The following OTOS variants were observed in gnomAD, a reference collection of about 807,000 sequenced individuals.
OTOS encodes the protein otospiralin.
Under a neutral mutation model 12.5 loss-of-function variants are expected in OTOS, and 14 were observed. The observed-to-expected ratio is 1.12, with a 90% CI of 0.74 to 1.76. The LOEUF (loss-of-function observed/expected upper bound fraction) is 1.76. Among genes scored for constraint, OTOS ranks in the 40% most tolerant of loss-of-function variants. The probability of loss-of-function intolerance (pLI) is 0.00; values close to 1 mark genes in which losing one functional copy is unlikely to be tolerated. For missense variants in OTOS, 141 were observed against 112.8 expected (o/e 1.25, Z -1.13); for synonymous variants, 49 against 47.6 (o/e 1.03, Z -0.12).
At position 240,140,055 on chromosome 2, in the gene OTOS, A is replaced by G. The variant is rs1282437289; in HGVS notation, c.85+7T>C. On this transcript the variant is annotated splice_region_variant and intron_variant, in intron 3 of 3. Transcript: ENST00000319460. The stretch of plus-strand genomic sequence containing the variant: ...CAAATGAAAGGAAAGAAATTGGAGA[A>G]CGGTACCTCCTTCCTCCTGCACAGG... 6.2e-7 allele frequency: 1 copy of G among 1,613,056 alleles called. No individual in the cohort carries two copies. The highest frequency in any genetic ancestry group is 1.1e-5 in the South Asian group (1 of 90,910).
In OTOS at chr2:240,140,249, C is replaced by T. The variant is rs373592967; in HGVS notation, c.58+20G>A. 2 of 1,585,278 alleles carry T rather than the reference C, an allele frequency of 1.3e-6. No individual in the cohort carries two copies. The highest frequency in any genetic ancestry group is 1.7e-6 in the Non-Finnish European group (2 of 1,165,318). ...TGTCGGGGGTCCTGGTGGCTGCCTC[C>T]CTCCAGAGCGGCCCCTCACCTGCAA... On this transcript the variant is annotated intron_variant, in intron 2 of 3. Transcript: ENST00000319460.
Position 240,139,345 on chromosome 2 carries a change from G to T in OTOS, c.95C>A (p.Ala32Glu), listed in dbSNP as rs750554667. The T allele has an allele frequency of 2.3e-5, 37 of 1,612,710 alleles. No homozygotes were observed. The highest frequency in any genetic ancestry group is 3.0e-5 in the Non-Finnish European group (35 of 1,179,236). ...KPVQEEGDPY[A>E]ELPAMPYWPF... Reference sequence around the variant, plus strand: ...CCAGTAGGGCATGGCCGGCAGCTCCGCGTAAGGGTCTGAAAGACACAAGAC... The same window carrying T: ...CCAGTAGGGCATGGCCGGCAGCTCCTCGTAAGGGTCTGAAAGACACAAGAC... Residue 32 changes from alanine (A) to glutamate (E), a missense_variant, in exon 4 of 4, where the codon GCG becomes GAG. Coordinates refer to ENST00000319460, the MANE Select transcript of OTOS (RefSeq NM_148961.4).
rs934328300 is a variant in OTOS, at chr2:240,140,521, C to T, written c.-118-77G>A. 2.1e-5 allele frequency: 13 copies of T among 611,498 alleles called. No homozygotes were observed. The African/African-American group carries it at 2.4e-4, about 11-fold the overall frequency. The allele number at this position is 611,498 out of a possible 1,614,324, so 37.9% of individuals were successfully genotyped here. ...AATTTCCATTTCAGTGGTTTCAAAC[C>T]ACTATTTGGAGGTGAAATCCCTGCC... is the stretch of plus-strand genomic sequence containing the variant. On this transcript the variant is annotated intron_variant, in intron 1 of 3. Coordinates refer to ENST00000319460, the MANE Select transcript of OTOS (RefSeq NM_148961.4).
Position 240,140,292 on chromosome 2 carries a change from C to A in OTOS, c.35G>T (p.Cys12Phe). 6.3e-7 allele frequency: 1 copy of A among 1,596,560 alleles called. No individual in the cohort carries two copies. The highest frequency in any genetic ancestry group is 1.1e-5 in the South Asian group (1 of 88,398). The change falls in exon 2 of 4, where the codon TGC becomes TTC. Residue 12 changes from cysteine to phenylalanine, a missense_variant. Physicochemically the swap from Cys to Phe is radical, Grantham distance 205. Transcript: ENST00000319460. ...ACCTGCAAGAGGCCCCAGTAGGAGG[C>A]AGAGGGCCAGCCCCGGCACCATGCA... ...QACMVPGLALCLLLGPLAGAK... is the reference protein window; with the variant it reads ...QACMVPGLALFLLLGPLAGAK...
Position 240,139,464 on chromosome 2 carries a change from G to C in OTOS, c.86-110C>G. 3 of 1,142,924 alleles carry C rather than the reference G, an allele frequency of 2.6e-6. No individual in the cohort carries two copies. In the South Asian group the frequency reaches 4.7e-5, roughly 18 times the overall value. The allele number at this position is 1,142,924 out of a possible 1,614,324, so 70.8% of individuals were successfully genotyped here. ...GATGGTTCCCAGCTCTACCTACAGT[G>C]ATACAACCTTCCCAGAGTGGGGGCC... On this transcript the variant is annotated intron_variant, in intron 3 of 3. Transcript: ENST00000319460.
chr2:240,140,075 C>G lies in OTOS; in HGVS notation c.72G>C (p.Val24=), dbSNP rs143566753. The G allele has an allele frequency of 1.2e-6, 2 of 1,613,474 alleles. No individual in the cohort carries two copies. The highest frequency in any genetic ancestry group is 1.3e-5 in the African/African-American group (1 of 74,894). Residue 24 remains valine, a synonymous_variant, in exon 3 of 4, where the codon GTG becomes GTC. Transcript: ENST00000319460. ...GGAGAACGGTACCTCCTTCCTCCTG[C>G]ACAGGCTTGGCCCCTGCAAAGGAAG... The part of the protein sequence containing the change: ...LLGPLAGAKP[V]QEEGDPYAEL...
In OTOS at chr2:240,139,332, G is replaced by A. The variant is rs751919876; in HGVS notation, c.108C>T (p.Ala36=). Reference sequence around the variant, plus strand: ...AGGTGGAGAAAGGCCAGTAGGGCATGGCCGGCAGCTCCGCGTAAGGGTCTG... The same window carrying A: ...AGGTGGAGAAAGGCCAGTAGGGCATAGCCGGCAGCTCCGCGTAAGGGTCTG... The part of the protein sequence containing the change: ...EEGDPYAELP[A]MPYWPFSTSD... The change falls in exon 4 of 4, where the codon GCC becomes GCT. Residue 36 remains alanine (A), a synonymous_variant. Coordinates refer to ENST00000319460, the MANE Select transcript of OTOS (RefSeq NM_148961.4). 1.2e-6 allele frequency: 2 copies of A among 1,613,834 alleles called. No individual in the cohort carries two copies. The highest frequency in any genetic ancestry group is 1.7e-6 in the Non-Finnish European group (2 of 1,179,828).
chr2:240,139,285 T>C lies in OTOS; in HGVS notation c.155A>G (p.Gln52Arg), dbSNP rs1479634429. Reference sequence around the variant, plus strand: ...GTAGGCCCCCAGGGCCTGGAAGTGCTGCACATAGTTCCAGAAGTCAGAGGT... The same window carrying C: ...GTAGGCCCCCAGGGCCTGGAAGTGCCGCACATAGTTCCAGAAGTCAGAGGT... ...FSTSDFWNYV[Q>R]HFQALGAYPQ... is the part of the protein sequence containing the mutation. Residue 52 changes from glutamine to arginine, a missense_variant, in exon 4 of 4, where the codon CAG becomes CGG. Physicochemically the swap from Gln to Arg is conservative, Grantham distance 43 (BLOSUM62 1). Coordinates refer to ENST00000319460, the MANE Select transcript of OTOS (RefSeq NM_148961.4). The C allele has an allele frequency of 6.2e-7, 1 of 1,614,046 alleles. No individual in the cohort carries two copies. The highest frequency in any genetic ancestry group is 8.5e-7 in the Non-Finnish European group (1 of 1,180,024).
At chr2:240,139,429 A>C in intron 3 of OTOS, 75 bp from the exon 4 acceptor site, 418 of 1,463,788 alleles carry the variant, frequency 2.9e-4, no homozygotes, top group Middle Eastern at 5.4e-4. Context: ...CAGAGGTCTC[A>C]AGGCAAGTGG....
At chr2:240,139,600 G>T (rs2072036388) in intron 3 of OTOS, among the ~76,000 whole-genome samples, 1 of 152,106 alleles carries the variant, frequency 6.6e-6, no homozygotes, top group African/African-American at 2.4e-5. Context: ...AAGGAGTTGT[G>T]TGGGGAGGGT....
chr2:240,140,542 C>G lies in OTOS; in HGVS notation c.-119+78G>C, dbSNP rs947178982. On this transcript the variant is annotated intron_variant, in intron 1 of 3. Transcript: ENST00000319460. ...AAACCACTATTTGGAGGTGAAATCC[C>G]TGCCTCAATTGGCCTTAATTCCCAT... is the stretch of plus-strand genomic sequence containing the variant. The G allele has an allele frequency of 7.0e-6, 4 of 571,618 alleles. No homozygotes were observed. In the East Asian group the frequency reaches 9.0e-5, roughly 13 times the overall value. 35.4% of individuals were successfully genotyped at this position (571,618 alleles called of 1,614,324 possible).
intron 1 of OTOS, 73 bp downstream of exon 1, chr2:240,140,547 T>A: frequency 1.8e-6 from 1 of 564,072 alleles, no homozygotes; most frequent in Non-Finnish European, 3.1e-6. Flanking sequence ...AATCCCTGCC[T>A]CAATTGGCCT....
Position 240,140,244 on chromosome 2 carries a change from G to A in OTOS, c.58+25C>T, listed in dbSNP as rs773807809. On this transcript the variant is annotated intron_variant, in intron 2 of 3. Coordinates refer to ENST00000319460, the MANE Select transcript of OTOS (RefSeq NM_148961.4). ...AGGGCTGTCGGGGGTCCTGGTGGCT[G>A]CCTCCCTCCAGAGCGGCCCCTCACC... 4.4e-6 allele frequency: 7 copies of A among 1,583,332 alleles called. No individual in the cohort carries two copies. The South Asian group carries it at 4.6e-5, about 10-fold the overall frequency.
chr2:240,139,399 C>T lies in OTOS; in HGVS notation c.86-45G>A, dbSNP rs530848664. ...TGCCTTGGGGGCTGTCCCCATGGTC[C>T]TGCCTGGAGACACCATCCTCAGAGG... is the stretch of plus-strand genomic sequence containing the variant. On this transcript the variant is annotated intron_variant, in intron 3 of 3. Coordinates refer to ENST00000319460, the MANE Select transcript of OTOS (RefSeq NM_148961.4). The T allele has an allele frequency of 3.6e-5, 56 of 1,557,698 alleles. No individual in the cohort carries two copies. In the South Asian group the frequency reaches 5.7e-4, roughly 16 times the overall value.
chr2:240,140,065 C>T lies in OTOS; in HGVS notation c.82G>A (p.Gly28Arg). 2 of 1,613,512 alleles carry T rather than the reference C, an allele frequency of 1.2e-6. No homozygotes were observed. Among genetic ancestry groups the T allele is most frequent in the Non-Finnish European group, 1.7e-6 (2 of 1,179,738 alleles). Residue 28 changes from glycine (G) to arginine (R), a missense_variant, in exon 3 of 4, where the codon GGA becomes AGA. By Grantham distance (125) the Gly-to-Arg change is moderately radical (BLOSUM62 -2). Coordinates refer to ENST00000319460, the MANE Select transcript of OTOS (RefSeq NM_148961.4). ...LAGAKPVQEE[G>R]DPYAELPAMP... ...GAAAGAAATTGGAGAACGGTACCTC[C>T]TTCCTCCTGCACAGGCTTGGCCCCT...
chr2:240,139,173 G>A lies in OTOS; in HGVS notation c.267C>T (p.Asp89=). 3 of 1,613,142 alleles carry A rather than the reference G, an allele frequency of 1.9e-6. No homozygotes were observed. Among genetic ancestry groups the A allele is most frequent in the East Asian group, 4.5e-5 (2 of 44,840 alleles). ...CGGGCACCAGGCTGGACACCATTCA[G>A]TCCTCCTGATAGGGAACGTGGAAGC... ...TLGFHVPYQE[D] The change falls in exon 4 of 4, where the codon GAC becomes GAT. Residue 89 remains aspartate (D), a synonymous_variant. Transcript: ENST00000319460.
intron 3 of OTOS, among the ~76,000 whole-genome samples, chr2:240,139,832 C>T (rs1011081658): frequency 6.6e-6 from 1 of 152,112 alleles, no homozygotes; most frequent in Non-Finnish European, 1.5e-5. Context: ...CCAGTGTGTT[C>T]CCTGGTGGCT....
In OTOS at chr2:240,139,094, T is replaced by C; in HGVS notation, c.*76A>G. The C allele has an allele frequency of 2.0e-6, 3 of 1,500,060 alleles. No individual in the cohort carries two copies. The highest frequency in any genetic ancestry group is 2.7e-6 in the Non-Finnish European group (3 of 1,106,752). The allele number at this position is 1,500,060 out of a possible 1,614,324, so 92.9% of individuals were successfully genotyped here. ...CTGACTCCTGCAGGGGCCAGGTTTT[T>C]GCGGGGACTCCATGCCTGTGGAGGC... On this transcript the variant is annotated 3_prime_UTR_variant, in exon 4 of 4. Coordinates refer to ENST00000319460, the MANE Select transcript of OTOS (RefSeq NM_148961.4).
chr2:240,140,198 T>C (rs1316555082), intron 2 of OTOS, 71 bp downstream of exon 2: 7 of 1,590,470 alleles, frequency 4.4e-6, no homozygotes, highest in Non-Finnish European at 5.1e-6. Flanking sequence ...TGGGGATGCA[T>C]GCGGGAGGGG....
Sources: allele counts gnomAD v4.1 joint callset (sites outside exome capture counted in the v4.1 genomes callset), GRCh38; gene constraint gnomAD v4.1.1; transcripts MANE v1.5; gene names NCBI Gene and HGNC (gene_info 2026-07-23, HGNC 2026-07-21).